The following DAAM1 variants were observed in gnomAD, a reference collection of about 807,000 sequenced individuals.
The protein encoded by DAAM1 is disheveled-associated activator of morphogenesis 1.
A neutral mutation model predicts 130.0 loss-of-function variants in DAAM1; 52 were observed. That is an observed-to-expected ratio of 0.40 (90% confidence interval 0.32 to 0.50). The LOEUF (loss-of-function observed/expected upper bound fraction) is 0.50, where lower values mean the gene tolerates loss of function less well. DAAM1 is among the 20% of genes least tolerant of loss of function. DAAM1 has a pLI of 0.61. For synonymous variants in DAAM1, 452 were observed against 444.5 expected (o/e 1.02, Z -0.21); for missense variants, 1,134 against 1,303.8 (o/e 0.87, Z 2.01).
At chr14:59,242,128 A>G (rs1460333616) in intron 1 of DAAM1, among the ~76,000 whole-genome samples, 2 of 152,214 alleles carry the variant, frequency 1.3e-5, no homozygotes, top group African/African-American at 4.8e-5. Flanking sequence ...AGAGCTACTA[A>G]GAGGAACAGA....
rs1172775219 is a variant in DAAM1, at chr14:59,367,653, G to A, written c.2997+54G>A. On this transcript the variant is annotated intron_variant, in intron 24 of 24. Coordinates refer to ENST00000360909, the MANE Select transcript of DAAM1 (RefSeq NM_001270520.2). ...ACCTCCTAGAAGTTCTATGACTGCA[G>A]CCCAGTCAAAGGTATTTAGAGAGCA... The A allele has an allele frequency of 1.9e-6, 3 of 1,571,648 alleles. No individual in the cohort carries two copies. In the Admixed American group the frequency reaches 5.3e-5, roughly 28 times the overall value.
intron 15 of DAAM1, among the ~76,000 whole-genome samples, chr14:59,334,257 G>A (rs1425434305): frequency 6.6e-6 from 1 of 152,072 alleles, no homozygotes; most frequent in Non-Finnish European, 1.5e-5. Context: ...GGAATATATA[G>A]GACACAGTAA....
At chr14:59,323,818 G>C (rs887933056) in intron 6 of DAAM1, among the ~76,000 whole-genome samples, 5 of 151,932 alleles carry the variant, frequency 3.3e-5, no homozygotes, top group African/African-American at 1.2e-4. Flanking sequence ...GGATCGCAAG[G>C]TCAGGAGATC....
intron 22 of DAAM1, among the ~76,000 whole-genome samples, chr14:59,362,098 C>T (rs1037545536): frequency 4.0e-5 from 6 of 150,924 alleles, no homozygotes; most frequent in Non-Finnish European, 8.8e-5. Context: ...TTCTCCCAGC[C>T]CCAGAGGGTC....
intron 1 of DAAM1, among the ~76,000 whole-genome samples, chr14:59,230,110 C>T (rs975318207): frequency 3.3e-5 from 5 of 152,114 alleles, no homozygotes; most frequent in Admixed American, 6.5e-5. Context: ...ACAACAGATC[C>T]GTCATTTCTC....
intron 1 of DAAM1, among the ~76,000 whole-genome samples, chr14:59,213,291 T>A (rs1888483084): frequency 1.4e-5 from 2 of 147,860 alleles, no homozygotes; most frequent in Non-Finnish European, 3.0e-5. Context: ...CTTTAAGCTC[T>A]TATATATATT....
At chr14:59,312,026 ATTGT>A (rs1307353601) in intron 3 of DAAM1, among the ~76,000 whole-genome samples, 1 of 152,052 alleles carries the variant, frequency 6.6e-6, no homozygotes, top group Non-Finnish European at 1.5e-5. Context: ...TCCCCTTTGT[ATTGT>A]TTGTTAATTC....
chr14:59,231,960 T>C (rs556038738), intron 1 of DAAM1, among the ~76,000 whole-genome samples: 1 of 152,264 alleles, frequency 6.6e-6, no homozygotes, highest in African/African-American at 2.4e-5. Context: ...GGTGGGCACA[T>C]TTGAGAAATA....
intron 1 of DAAM1, among the ~76,000 whole-genome samples, chr14:59,244,905 C>T (rs1361506814): frequency 6.6e-6 from 1 of 152,066 alleles, no homozygotes; most frequent in African/African-American, 2.4e-5. Flanking sequence ...GGCTAGTAGC[C>T]AGGTTAGCAA....
chr14:59,350,699 G>C (rs1886257618), intron 17 of DAAM1, among the ~76,000 whole-genome samples: 2 of 152,104 alleles, frequency 1.3e-5, no homozygotes, highest in Non-Finnish European at 2.9e-5. Context: ...TTAGTTTCTT[G>C]GGGGTGTTGG....
At chr14:59,315,211 G>A in intron 3 of DAAM1, 69 bp from the exon 4 acceptor site, 2 of 1,386,040 alleles carry the variant, frequency 1.4e-6, no homozygotes, top group Non-Finnish European at 2.1e-6. Flanking sequence ...TGCTCTGGAA[G>A]TCGGATGTGT....
chr14:59,367,235 C>T (rs1886953879), intron 23 of DAAM1, among the ~76,000 whole-genome samples, 194 bp from the exon 24 acceptor site: 1 of 151,918 alleles, frequency 6.6e-6, no homozygotes, highest in Non-Finnish European at 1.5e-5. Context: ...TTGCAGTGAG[C>T]TGGGATCATG....
intron 15 of DAAM1, among the ~76,000 whole-genome samples, chr14:59,334,448 T>A (rs1355005340): frequency 2.6e-5 from 4 of 152,148 alleles, no homozygotes; most frequent in Non-Finnish European, 5.9e-5. Context: ...TCCTTTTTCC[T>A]CCCTCCAGAG....
At chr14:59,326,777 A>T in intron 11 of DAAM1, 129 bp downstream of exon 11, 1 of 1,505,634 alleles carries the variant, frequency 6.6e-7, no homozygotes, top group Non-Finnish European at 9.0e-7. Flanking sequence ...TACTGTACAC[A>T]TGCACTATAG....
At chr14:59,272,928 T>C (rs564455488) in intron 2 of DAAM1, among the ~76,000 whole-genome samples, 4 of 152,184 alleles carry the variant, frequency 2.6e-5, no homozygotes, top group Non-Finnish European at 4.4e-5. Context: ...ATTTTGGCCC[T>C]GAGAACAACT....
intron 1 of DAAM1, among the ~76,000 whole-genome samples, chr14:59,207,728 T>C (rs1165795338): frequency 6.6e-6 from 1 of 152,194 alleles, no homozygotes; most frequent in Non-Finnish European, 1.5e-5. Flanking sequence ...GATCATATTT[T>C]GAGAACCACT....
chr14:59,273,690 A>G (rs1231795386), intron 2 of DAAM1, among the ~76,000 whole-genome samples: 1 of 152,236 alleles, frequency 6.6e-6, no homozygotes, highest in Non-Finnish European at 1.5e-5. Flanking sequence ...ATATAAGCCA[A>G]TACAGGTGTC....
chr14:59,229,523 A>G (rs1448779208), intron 1 of DAAM1, among the ~76,000 whole-genome samples: 3 of 152,226 alleles, frequency 2.0e-5, no homozygotes, highest in Non-Finnish European at 4.4e-5. Context: ...AAACATACAA[A>G]CAAGATTAAA....
rs750439919 is a variant in DAAM1, at chr14:59,352,603, G to C, written c.2238G>C (p.Lys746Asn). The C allele has an allele frequency of 1.2e-6, 2 of 1,613,340 alleles. No homozygotes were observed. Among genetic ancestry groups the C allele is most frequent in the Non-Finnish European group, 8.5e-7 (1 of 1,179,690 alleles). ...EHKHELDRMA[K>N]ADRFLFEMSR... Reference sequence around the variant, plus strand: ...AACACGAACTGGATCGGATGGCCAAGGCTGATAGGTTCCTTTTTGAGATGA... The same window carrying C: ...AACACGAACTGGATCGGATGGCCAACGCTGATAGGTTCCTTTTTGAGATGA... Residue 746 changes from lysine to asparagine, a missense_variant, in exon 18 of 25, where the codon AAG becomes AAC. Lys to Asn is a moderately conservative substitution (Grantham distance 94). This residue lies in a region of DAAM1 where 644 missense variants were observed against 695.9 expected (regional missense o/e 0.93). Transcript: ENST00000360909.
Sources: gnomAD v4.1 joint callset for allele counts (sites outside exome capture counted in the v4.1 genomes callset) on GRCh38, gnomAD v4.1.1 for gene constraint, gnomAD v4.1.1 regional missense constraint, MANE v1.5 for transcripts, NCBI Gene and HGNC (gene_info 2026-07-23, HGNC 2026-07-21) for gene names.